Variants in BLACAT1 observed in about 807,000 individuals in gnomAD.
BLACAT1 encodes the protein BLACAT1 overlapping LEMD1 locus.
chr1:205,447,334 AGTAG>A (rs1326369108), intron 1 of BLACAT1, among the ~76,000 whole-genome samples: 1 of 152,202 alleles, frequency 6.6e-6, no homozygotes, highest in Non-Finnish European at 1.5e-5. Context: ...TGGGGTACAT[AGTAG>A]GTACCCAGTA....
intron 1 of BLACAT1, among the ~76,000 whole-genome samples, chr1:205,443,651 T>A (rs1188662779): frequency 6.6e-6 from 1 of 152,164 alleles, no homozygotes; most frequent in Non-Finnish European, 1.5e-5. Flanking sequence ...TCTGCTCAGA[T>A]CTTTGCTCTA....
At chr1:205,439,924 T>G (rs1192509786) in exon 2 of BLACAT1, among the ~76,000 whole-genome samples, 3 of 103,608 alleles carry the variant, frequency 2.9e-5, no homozygotes, top group African/African-American at 7.7e-5. Context: ...GGAAATGGGC[T>G]GGGGGTAAGG....
chr1:205,454,048 TG>T (rs1666531491), intron 1 of BLACAT1, among the ~76,000 whole-genome samples: 1 of 152,110 alleles, frequency 6.6e-6, no homozygotes, highest in African/African-American at 2.4e-5. Context: ...CAAGCCCCTG[TG>T]GAGTACCTCT....
At chr1:205,447,894 C>T (rs1243979030) in intron 1 of BLACAT1, among the ~76,000 whole-genome samples, 1 of 152,216 alleles carries the variant, frequency 6.6e-6, no homozygotes, top group Non-Finnish European at 1.5e-5. Context: ...CCAAGCTGAC[C>T]TCAGAGAAAG....
chr1:205,449,683 C>T (rs1666462047), intron 1 of BLACAT1, among the ~76,000 whole-genome samples: 1 of 152,188 alleles, frequency 6.6e-6, no homozygotes, highest in Admixed American at 6.5e-5. Flanking sequence ...TGCGGCCTCC[C>T]ACCTGAACTT....
chr1:205,446,926 T>TC (rs1235057809), intron 1 of BLACAT1, among the ~76,000 whole-genome samples: 2 of 152,084 alleles, frequency 1.3e-5, no homozygotes, highest in African/African-American at 2.4e-5. Context: ...ATTGTTCTGA[T>TC]CCCCCCGCTC....
chr1:205,454,187 A>T (rs1371233386), intron 1 of BLACAT1, among the ~76,000 whole-genome samples: 1 of 152,220 alleles, frequency 6.6e-6, no homozygotes, highest in Admixed American at 6.5e-5. Flanking sequence ...GACAGCACTC[A>T]GGGAGGCCCA....
At chr1:205,449,570 A>AACAGC (rs1200218042) in intron 1 of BLACAT1, among the ~76,000 whole-genome samples, 10 of 152,096 alleles carry the variant, frequency 6.6e-5, no homozygotes, top group Admixed American at 2.0e-4. Flanking sequence ...ATTCCCCAAC[A>AACAGC]ACAGCACAGC....
chr1:205,454,549 TGA>T (rs574485023), intron 1 of BLACAT1, among the ~76,000 whole-genome samples: 22 of 147,248 alleles, frequency 1.5e-4, no homozygotes, highest in South Asian at 8.8e-4. Context: ...TGTGTGTGTG[TGA>T]GAGAGAGAGA....
chr1:205,452,381 G>T (rs1055471916), intron 1 of BLACAT1, among the ~76,000 whole-genome samples: 10 of 152,162 alleles, frequency 6.6e-5, no homozygotes, highest in Non-Finnish European at 1.3e-4. Flanking sequence ...TTACCCCTCC[G>T]CAGCAGAGAA....
At position 205,448,940 on chromosome 1, in the gene BLACAT1, A is replaced by G. The variant is rs1344310296; in HGVS notation, c.-37+6977T>C. On this transcript the variant is annotated intron_variant, in intron 1 of 1. Transcript: ENST00000629624. The surrounding 1 kb of genome is among the most constrained non-coding windows in gnomAD (Gnocchi z 4.7). ...TTAAATAGGTTTCTTGAGTGCCCCC[A>G]GGGGTGGGGGCTGGGCCAACCTACC... Among the ~76,000 whole-genome samples the G allele has an allele frequency of 4.6e-5, 7 of 152,118 alleles. No individual in the cohort carries two copies. The highest frequency in any genetic ancestry group is 1.7e-4 in the African/African-American group (7 of 41,432).
intron 1 of BLACAT1, among the ~76,000 whole-genome samples, chr1:205,447,210 G>A (rs1002448010): frequency 1.3e-5 from 2 of 152,148 alleles, no homozygotes; most frequent in African/African-American, 4.8e-5. Flanking sequence ...TATGAACGTG[G>A]GCCAATTTCT....
downstream of BLACAT1, among the ~76,000 whole-genome samples, chr1:205,438,761 C>T (rs1470549757): frequency 2.0e-5 from 3 of 152,032 alleles, no homozygotes; most frequent in East Asian, 5.8e-4. Context: ...GGGACCCCAC[C>T]CATGTTCCCA....
At chr1:205,444,798 A>G (rs1236237570) in intron 1 of BLACAT1, among the ~76,000 whole-genome samples, 2 of 152,064 alleles carry the variant, frequency 1.3e-5, no homozygotes, top group Non-Finnish European at 2.9e-5. Flanking sequence ...AAACAAGAAG[A>G]GGGATATTGC....
chr1:205,445,627 T>C (rs1040825918), intron 1 of BLACAT1, among the ~76,000 whole-genome samples: 1 of 152,220 alleles, frequency 6.6e-6, no homozygotes, highest in Non-Finnish European at 1.5e-5. Context: ...CCAAGCATTC[T>C]CAGTGGTTCT....
chr1:205,451,281 G>A (rs1456442641), intron 1 of BLACAT1, among the ~76,000 whole-genome samples: 1 of 152,178 alleles, frequency 6.6e-6, no homozygotes. Context: ...CAATTCTAGA[G>A]CCTTGCCCAT....
chr1:205,445,412 C>T (rs1428793127), intron 1 of BLACAT1, among the ~76,000 whole-genome samples: 1 of 152,238 alleles, frequency 6.6e-6, no homozygotes, highest in African/African-American at 2.4e-5. Context: ...CCCGCATTCT[C>T]CTTGGAGGTT....
rs1390463676 is a variant in BLACAT1, at chr1:205,448,474, G to A, written c.-36-7412C>T. 2 of 507,948 alleles carry A rather than the reference G, an allele frequency of 3.9e-6. No homozygotes were observed. The highest frequency in any genetic ancestry group is 4.0e-6 in the Non-Finnish European group (1 of 250,446). 31.5% of individuals were successfully genotyped at this position (507,948 alleles called of 1,614,324 possible). On this transcript the variant is annotated intron_variant, in intron 1 of 1. Coordinates refer to ENST00000629624, the Ensembl canonical transcript of BLACAT1. This position sits in a 1 kb window ranked among gnomAD's most constrained non-coding sequence, Gnocchi z 4.7. ...CGAGAAGCCCTCACTCCCCTTCTCAGCACCCCCGACCCCAGACCCACCCAC... is the reference window on the plus strand; with the variant it reads ...CGAGAAGCCCTCACTCCCCTTCTCAACACCCCCGACCCCAGACCCACCCAC...
At chr1:205,449,474 T>A (rs1041550294) in intron 1 of BLACAT1, among the ~76,000 whole-genome samples, 1 of 151,992 alleles carries the variant, frequency 6.6e-6, no homozygotes, top group Non-Finnish European at 1.5e-5. Context: ...CCACCCCAAC[T>A]GTACCCTCAG....
Sources: gnomAD v4.1 joint callset for allele counts (sites outside exome capture counted in the v4.1 genomes callset) on GRCh38, gnomAD v4.1.1 for gene constraint, Gnocchi (gnomAD v3.1) non-coding constraint, MANE v1.5 for transcripts, NCBI Gene and HGNC (gene_info 2026-07-23, HGNC 2026-07-21) for gene names.